The following CADM3 variants were observed in gnomAD, a reference collection of about 807,000 sequenced individuals.
CADM3 encodes TSLC1-like 1.
A neutral mutation model predicts 44.9 loss-of-function variants in CADM3; 11 were observed. The ratio of observed to expected loss-of-function variants is 0.25; its 90% CI spans 0.15 to 0.41. The LOEUF (loss-of-function observed/expected upper bound fraction) is 0.41. Ranked by LOEUF, CADM3 falls within the 10% of genes least tolerant of loss-of-function variation. The pLI, the probability that CADM3 is intolerant of heterozygous loss-of-function variation, is 1.00. For synonymous variants in CADM3, 207 were observed against 205.2 expected (o/e 1.01, Z -0.08); for missense variants, 426 against 512.0 (o/e 0.83, Z 1.62).
At chr1:159,199,623 G>A in intron 7 of CADM3, 128 bp from the exon 8 acceptor site, 1 of 1,184,954 alleles carries the variant, frequency 8.4e-7, no homozygotes, top group Non-Finnish European at 1.2e-6. Context: ...CATGATGAAT[G>A]ACACTGCTCC....
intron 1 of CADM3, among the ~76,000 whole-genome samples, chr1:159,175,130 AT>A (rs1385531714): frequency 1.3e-5 from 2 of 152,192 alleles, no homozygotes; most frequent in East Asian, 3.8e-4. Context: ...CTGTCCACAG[AT>A]CTGTTTGGCA....
chr1:159,188,861 GAAGT>G (rs1372227262), intron 1 of CADM3, among the ~76,000 whole-genome samples: 1 of 152,150 alleles, frequency 6.6e-6, no homozygotes, highest in Non-Finnish European at 1.5e-5. Context: ...GGGGATGTAG[GAAGT>G]AAGTTTCTTG....
intron 1 of CADM3, chr1:159,178,591 TC>T (rs1649114958): frequency 6.6e-6 from 1 of 152,094 alleles, no homozygotes; most frequent in South Asian, 2.1e-4. Context: ...TGACTTAACT[TC>T]CCCACCTTTA....
chr1:159,184,365 A>G (rs1188677577), intron 1 of CADM3, among the ~76,000 whole-genome samples: 1 of 152,264 alleles, frequency 6.6e-6, no homozygotes, highest in Non-Finnish European at 1.5e-5. Context: ...CTGTCATGGT[A>G]GTCGTGAGGA....
chr1:159,171,665 G>T lies in CADM3; in HGVS notation c.-101G>T. 2 of 888,798 alleles carry T rather than the reference G, an allele frequency of 2.3e-6. No homozygotes were observed. The highest frequency in any genetic ancestry group is 3.0e-6 in the Non-Finnish European group (2 of 675,262). The allele number at this position is 888,798 out of a possible 1,614,324, so 55.1% of individuals were successfully genotyped here. A position where few individuals can be genotyped will look rare whatever the true frequency, so the allele number is the denominator to read the frequency against. On this transcript the variant is annotated 5_prime_UTR_variant, in exon 1 of 9. Coordinates refer to ENST00000368125, the MANE Select transcript of CADM3 (RefSeq NM_001127173.3). ...CCCCGGGCTCCGAAGCGGCTCGGGG[G>T]CGCCCTTTCGGTCAACATCGTAGTC...
chr1:159,191,067 G>A (rs751890815), intron 1 of CADM3, among the ~76,000 whole-genome samples: 1 of 152,222 alleles, frequency 6.6e-6, no homozygotes, highest in African/African-American at 2.4e-5. Context: ...TGGAGCCTGA[G>A]GGGCTCCCCG....
intron 5 of CADM3, chr1:159,195,866 G>T (rs1484953100): frequency 1.3e-5 from 2 of 153,066 alleles, no homozygotes; most frequent in South Asian, 2.1e-4. Flanking sequence ...TATGACCCTG[G>T]TCTCTTGCTG....
Position 159,193,855 on chromosome 1 carries a change from G to A in CADM3, c.521-15G>A, listed in dbSNP as rs765833473. 5.0e-6 allele frequency: 8 copies of A among 1,611,536 alleles called. 1 individual carries two copies. In the South Asian group the frequency reaches 8.8e-5, roughly 18 times the overall value. On this transcript the variant is annotated splice_polypyrimidine_tract_variant and intron_variant, in intron 4 of 8. Transcript: ENST00000368125. ...TCTGTGTGTTTGTGTGTGTGCCACT[G>A]TTTCTGCACTCTAGGAGAACCAACC...
chr1:159,173,773 T>A (rs1049239634), intron 1 of CADM3, among the ~76,000 whole-genome samples: 2 of 152,140 alleles, frequency 1.3e-5, no homozygotes, highest in African/African-American at 4.8e-5. Flanking sequence ...GGTGCTAGGC[T>A]GGGCCCCAAA....
chr1:159,183,628 G>C (rs1026730302), intron 1 of CADM3, among the ~76,000 whole-genome samples: 1 of 152,138 alleles, frequency 6.6e-6, no homozygotes, highest in African/African-American at 2.4e-5. Flanking sequence ...GGAGACTGCT[G>C]CTTGTGAGGG....
intron 1 of CADM3, among the ~76,000 whole-genome samples, chr1:159,175,179 G>C (rs1648970597): frequency 6.6e-6 from 1 of 152,246 alleles, no homozygotes; most frequent in Non-Finnish European, 1.5e-5. Flanking sequence ...AGTTGCAGCT[G>C]TAACTGTTCT....
chr1:159,174,362 C>T (rs1033249521), intron 1 of CADM3, among the ~76,000 whole-genome samples: 5 of 152,148 alleles, frequency 3.3e-5, no homozygotes, highest in South Asian at 2.1e-4. Context: ...ACATGTGTTT[C>T]GTACCCCTGA....
intron 1 of CADM3, among the ~76,000 whole-genome samples, chr1:159,187,513 T>G (rs1649464293): frequency 6.6e-6 from 1 of 152,226 alleles, no homozygotes; most frequent in Admixed American, 6.5e-5. Flanking sequence ...GCTGCCTATC[T>G]CTTGAGTTTG....
rs748021212 is a variant in CADM3 at position 159,200,951 on chromosome 1, A to G, written c.*29A>G. 7 of 1,541,872 alleles carry G rather than the reference A, an allele frequency of 4.5e-6. No homozygotes were observed. The Admixed American group carries it at 1.3e-4, about 28-fold the overall frequency. On this transcript the variant is annotated 3_prime_UTR_variant, in exon 9 of 9. Transcript: ENST00000368125. ...CGCCTGCCCACTTCCTGCGCCCCCCAGGGGCCCTGTGGGGACTGCTGGGGC... is the reference window on the plus strand; with the variant it reads ...CGCCTGCCCACTTCCTGCGCCCCCCGGGGGCCCTGTGGGGACTGCTGGGGC...
chr1:159,189,934 C>T lies in CADM3; in HGVS notation c.89-2002C>T, dbSNP rs747182520. On this transcript the variant is annotated intron_variant, in intron 1 of 8. Transcript: ENST00000368125. ...GTTCCCTCACTCATCCTCACATCCTCTCCCACTCATGTTGCCTTCACCACA... is the reference window on the plus strand; with the variant it reads ...GTTCCCTCACTCATCCTCACATCCTTTCCCACTCATGTTGCCTTCACCACA... 134 of 1,155,798 alleles carry T rather than the reference C, an allele frequency of 1.2e-4. 1 individual carries two copies. Among genetic ancestry groups the T allele is most frequent in the South Asian group, 8.5e-4 (63 of 74,266 alleles). The allele number at this position is 1,155,798 out of a possible 1,614,324, so 71.6% of individuals were successfully genotyped here.
intron 1 of CADM3, among the ~76,000 whole-genome samples, chr1:159,184,125 G>A (rs1035026061): frequency 6.6e-6 from 1 of 152,170 alleles, no homozygotes; most frequent in East Asian, 1.9e-4. Context: ...AAAGCTCCAG[G>A]GGCTGAGTTC....
At chr1:159,173,688 C>G (rs1348062042) in intron 1 of CADM3, among the ~76,000 whole-genome samples, 3 of 152,154 alleles carry the variant, frequency 2.0e-5, no homozygotes, top group Non-Finnish European at 4.4e-5. Flanking sequence ...AGCCCCTGGC[C>G]TTCCTAACCT....
chr1:159,196,833 T>C lies in CADM3; in HGVS notation c.783-58T>C. The C allele has an allele frequency of 2.7e-6, 4 of 1,501,162 alleles. No homozygotes were observed. The South Asian group carries it at 3.7e-5, about 14-fold the overall frequency. The allele number at this position is 1,501,162 out of a possible 1,614,324, so 93.0% of individuals were successfully genotyped here. On this transcript the variant is annotated intron_variant, in intron 6 of 8. Coordinates refer to ENST00000368125, the MANE Select transcript of CADM3 (RefSeq NM_001127173.3). Reference sequence around the variant, plus strand: ...CCCTGCTCCCAGTTATTTTTTTTTTTCTTTTAGCTCCCTGGCCTATGCTCT... The same window carrying C: ...CCCTGCTCCCAGTTATTTTTTTTTTCCTTTTAGCTCCCTGGCCTATGCTCT...
At chr1:159,186,869 T>G (rs1649439550) in intron 1 of CADM3, among the ~76,000 whole-genome samples, 1 of 151,852 alleles carries the variant, frequency 6.6e-6, no homozygotes, top group African/African-American at 2.4e-5. Flanking sequence ...CAAACCAGAG[T>G]GAGTGCTCTG....
Sources: gnomAD v4.1 joint callset for allele counts (sites outside exome capture counted in the v4.1 genomes callset) on GRCh38, gnomAD v4.1.1 for gene constraint, MANE v1.5 for transcripts, NCBI Gene and HGNC (gene_info 2026-07-23, HGNC 2026-07-21) for gene names.